Variants in TTC4 observed in about 807,000 individuals in gnomAD.
TTC4 encodes the protein hsp70/Hsp90 co-chaperone CNS1 homolog.
A neutral mutation model predicts 51.9 loss-of-function variants in TTC4; 36 were observed. That is an observed-to-expected ratio of 0.69 (90% CI 0.53 to 0.92). The LOEUF (loss-of-function observed/expected upper bound fraction) is 0.92, where lower values mean the gene tolerates loss of function less well. TTC4 is among the 40% of genes least tolerant of loss of function. The pLI, the probability that TTC4 is intolerant of heterozygous loss-of-function variation, is 0.00. For synonymous variants in TTC4, 144 were observed against 164.2 expected, an observed-to-expected ratio of 0.88 and a Z score of 0.94; for missense variants, 399 against 454.6, an observed-to-expected ratio of 0.88 and a Z score of 1.11.
chr1:54,738,959 C>G (rs1645980594), intron 9 of TTC4, among the ~76,000 whole-genome samples: 1 of 152,018 alleles, frequency 6.6e-6, no homozygotes. Context: ...CTGCACCCGG[C>G]CAGCCTTCCT....
At chr1:54,716,204 T>C (rs1485465708) in intron 1 of TTC4, 185 bp downstream of exon 1, 1 of 601,548 alleles carries the variant, frequency 1.7e-6, no homozygotes, top group Non-Finnish European at 3.0e-6. Context: ...GAACCTAGGT[T>C]TTGGAGTCAG....
chr1:54,716,718 G>A lies in TTC4; in HGVS notation c.229+1G>A, dbSNP rs1218034477. 1.9e-6 allele frequency: 3 copies of A among 1,606,764 alleles called. No homozygotes were observed. The highest frequency in any genetic ancestry group is 8.5e-7 in the Non-Finnish European group (1 of 1,176,088). The stretch of plus-strand genomic sequence containing the variant: ...TTTGATGAGGAGCGTTCTCCAGAAG[G>A]TATCTTAACATGACTAATATTTGTT... On this transcript the variant is annotated splice_donor_variant, in intron 2 of 9. Coordinates refer to ENST00000371281, the MANE Select transcript of TTC4 (RefSeq NM_004623.5). LOFTEE classifies it high-confidence loss of function.
At chr1:54,718,786 T>A (rs564466762) in intron 3 of TTC4, among the ~76,000 whole-genome samples, 58 of 152,094 alleles carry the variant, frequency 3.8e-4, no homozygotes, top group East Asian at 2.5e-3. Flanking sequence ...GGGTTTTTTT[T>A]AAAAATAATT....
Position 54,715,927 on chromosome 1 carries a change from G to T in TTC4, c.19G>T (p.Asp7Tyr), listed in dbSNP as rs754637228. 2 of 1,607,266 alleles carry T rather than the reference G, an allele frequency of 1.2e-6. No homozygotes were observed. The highest frequency in any genetic ancestry group is 1.7e-6 in the Non-Finnish European group (2 of 1,177,222). The change falls in exon 1 of 10, where the codon GAT becomes TAT. Residue 7 changes from aspartate to tyrosine, a missense_variant. Transcript: ENST00000371281. ...ATCAGCTATGGAACAACCTGGGCAG[G>T]ATCCCACCTCAGACGACGTCATGGA... MEQPGQ[D>Y]PTSDDVMDSF... is the part of the protein sequence containing the mutation.
intron 1 of TTC4, 31 bp from the exon 2 acceptor site, chr1:54,716,569 A>G: frequency 3.9e-6 from 6 of 1,551,254 alleles, no homozygotes; most frequent in Non-Finnish European, 5.3e-6. Context: ...AGAAAAGCTT[A>G]TTCATGTAGT....
chr1:54,723,140 A>G (rs1464048055), intron 5 of TTC4, among the ~76,000 whole-genome samples: 3 of 152,212 alleles, frequency 2.0e-5, no homozygotes, highest in Non-Finnish European at 1.5e-5. Flanking sequence ...CTACACAGAT[A>G]CTTACCATTG....
intron 8 of TTC4, among the ~76,000 whole-genome samples, chr1:54,736,199 AG>A (rs1557752826): frequency 3.4e-4 from 45 of 133,172 alleles, no homozygotes; most frequent in African/African-American, 1.5e-3. Context: ...AGAGAGAGAG[AG>A]AGAGAGAGAG....
In TTC4 at chr1:54,717,030, T is replaced by A. The variant is rs560237048; in HGVS notation, c.229+313T>A. 3.9e-5 allele frequency among the ~76,000 whole-genome samples: 6 copies of A among 152,290 alleles called. No homozygotes were observed. The South Asian group carries it at 8.3e-4, about 21-fold the overall frequency. The stretch of plus-strand genomic sequence containing the variant: ...TGTAGTGGGTCCTGTTGGAACACTT[T>A]AAGGAGCAGGAGTGGATTCACAATA... On this transcript the variant is annotated intron_variant, in intron 2 of 9. Coordinates refer to ENST00000371281, the MANE Select transcript of TTC4 (RefSeq NM_004623.5).
At chr1:54,727,485 C>T (rs1028626905) in intron 5 of TTC4, among the ~76,000 whole-genome samples, 2 of 152,014 alleles carry the variant, frequency 1.3e-5, no homozygotes, top group African/African-American at 4.8e-5. Context: ...AGATTGATTG[C>T]ACTTCATCAA....
At chr1:54,720,224 G>A (rs1645727016) in intron 3 of TTC4, among the ~76,000 whole-genome samples, 1 of 152,092 alleles carries the variant, frequency 6.6e-6, no homozygotes, top group South Asian at 2.1e-4. Context: ...TTCAAGAATT[G>A]TAATAAAATG....
chr1:54,731,218 GTTT>G lies in TTC4; in HGVS notation c.682-261_682-259del, dbSNP rs77068739. Among the ~76,000 whole-genome samples the G allele has an allele frequency of 0.012, 1,792 of 149,732 alleles. 96 individuals are homozygous for G. In the East Asian group the frequency reaches 0.14, roughly 12 times the overall value. ...CTCAGGGAGCTCCCATTGTTATGGTGTTTTTTTTTGTTTGTTTGTTTTTTGATG... is the reference window on the plus strand; with the variant it reads ...CTCAGGGAGCTCCCATTGTTATGGTGTTTTTTGTTTGTTTGTTTTTTGATG... On this transcript the variant is annotated intron_variant, in intron 6 of 9. Transcript: ENST00000371281.
intron 1 of TTC4, 191 bp downstream of exon 1, chr1:54,716,210 G>A: frequency 5.0e-6 from 3 of 595,846 alleles, no homozygotes; most frequent in Non-Finnish European, 9.1e-6. Flanking sequence ...AGGTTTTGGA[G>A]TCAGGCCTGT....
chr1:54,721,083 T>C, intron 3 of TTC4, 80 bp from the exon 4 acceptor site: 1 of 1,311,438 alleles, frequency 7.6e-7, no homozygotes, highest in Non-Finnish European at 1.1e-6. Flanking sequence ...TGTACAAGAG[T>C]GTCTTTGTCA....
rs1306438975 is a variant in TTC4, at chr1:54,733,023, G to T, written c.897-606G>T. ...AATCACTTGAACCCAGAAGGTGAAGGTTGCAGTGAGCAGAGATTGTTCCAC... is the reference window on the plus strand; with the variant it reads ...AATCACTTGAACCCAGAAGGTGAAGTTTGCAGTGAGCAGAGATTGTTCCAC... On this transcript the variant is annotated intron_variant, in intron 7 of 9. Transcript: ENST00000371281. Among the ~76,000 whole-genome samples, 19 of 151,728 alleles carry T rather than the reference G, an allele frequency of 1.3e-4. 1 individual carries two copies. Among genetic ancestry groups the T allele is most frequent in the Non-Finnish European group, 8.8e-5 (6 of 67,942 alleles).
At chr1:54,719,148 A>C (rs1049226215) in intron 3 of TTC4, among the ~76,000 whole-genome samples, 2 of 152,076 alleles carry the variant, frequency 1.3e-5, no homozygotes, top group Admixed American at 6.6e-5. Flanking sequence ...GTAAACCTCC[A>C]GTCCTCCACC....
In TTC4 at chr1:54,715,929, T is replaced by A. The variant is rs1645667762; in HGVS notation, c.21T>A (p.Asp7Glu). The A allele has an allele frequency of 1.9e-6, 3 of 1,607,328 alleles. No individual in the cohort carries two copies. The highest frequency in any genetic ancestry group is 2.5e-6 in the Non-Finnish European group (3 of 1,177,270). Residue 7 changes from aspartate to glutamate, a missense_variant, in exon 1 of 10, where the codon GAT (aspartate) becomes GAA (glutamate). Around this residue, in one of 3 missense-constraint regions of TTC4, gnomAD observed 316 missense variants for 349.6 expected, o/e 0.90. Coordinates refer to ENST00000371281, the MANE Select transcript of TTC4 (RefSeq NM_004623.5). MEQPGQDPTSDDVMDSF... is the reference protein window; with the variant it reads MEQPGQEPTSDDVMDSF... ...CAGCTATGGAACAACCTGGGCAGGA[T>A]CCCACCTCAGACGACGTCATGGACT...
Position 54,741,875 on chromosome 1 carries a change from C to CATTT in TTC4, c.*362_*363insATTT. 3.9e-6 allele frequency: 1 copy of CATTT among 258,278 alleles called. No individual in the cohort carries two copies. Among genetic ancestry groups the CATTT allele is most frequent in the Non-Finnish European group, 7.4e-6 (1 of 135,802 alleles). 16.0% of individuals were successfully genotyped at this position (258,278 alleles called of 1,614,324 possible). ...TTCTGAACTTTTGTGGAGTTTGACA[C>CATTT]CTTAGAGAAGCTACCCCTCAAACTG... On this transcript the variant is annotated 3_prime_UTR_variant, in exon 10 of 10. Transcript: ENST00000371281.
chr1:54,716,740 T>G lies in TTC4; in HGVS notation c.229+23T>G. The G allele has an allele frequency of 1.9e-6, 3 of 1,572,534 alleles. No individual in the cohort carries two copies. In the African/African-American group the frequency reaches 4.1e-5, roughly 21 times the overall value. On this transcript the variant is annotated intron_variant, in intron 2 of 9. Coordinates refer to ENST00000371281, the MANE Select transcript of TTC4 (RefSeq NM_004623.5). The stretch of plus-strand genomic sequence containing the variant: ...AAGGTATCTTAACATGACTAATATT[T>G]GTTTTGTGTTTCCATTGAACTGAAA...
chr1:54,717,591 G>A lies in TTC4; in HGVS notation c.329G>A (p.Cys110Tyr), dbSNP rs148826272. 1.1e-4 allele frequency: 173 copies of A among 1,612,160 alleles called. No individual in the cohort carries two copies. The African/African-American group carries it at 1.8e-3, about 17-fold the overall frequency. The change falls in exon 3 of 10, where the codon TGT becomes TAT. Residue 110 changes from cysteine to tyrosine, a missense_variant. Cys to Tyr is a radical substitution (Grantham distance 194). This residue lies in a region of TTC4 where 316 missense variants were observed against 349.6 expected (regional missense o/e 0.90). Transcript: ENST00000371281. ...ISYTEGLKKK[C>Y]ADPDLNAVLY... ...TACACTGAAGGCTTAAAGAAGAAAT[G>A]TGCAGATCCTGATTTGAATGCTGTC...
Sources: allele counts gnomAD v4.1 joint callset (sites outside exome capture counted in the v4.1 genomes callset), GRCh38; gene constraint gnomAD v4.1.1; regional missense constraint gnomAD v4.1.1; transcripts MANE v1.5; gene names NCBI Gene and HGNC (gene_info 2026-07-23, HGNC 2026-07-21).